Variants in ZNF503 observed in about 807,000 individuals in gnomAD.
ZNF503 encodes the protein zinc finger protein 503.
Under a neutral mutation model 34.4 loss-of-function variants are expected in ZNF503, and 15 were observed. That is an observed-to-expected ratio of 0.44 (90% confidence interval 0.29 to 0.67). The LOEUF is 0.67. Ranked by LOEUF, ZNF503 falls within the 30% of genes least tolerant of loss-of-function variation. The pLI is 0.13. For synonymous variants in ZNF503, 580 were observed against 456.8 expected (o/e 1.27, Z -3.44); for missense variants, 1,007 against 926.8 (o/e 1.09, Z -1.12).
the ZNF503 span, among the ~76,000 whole-genome samples, chr10:75,366,045 C>T: frequency 6.6e-6 from 1 of 152,134 alleles, no homozygotes; most frequent in Non-Finnish European, 1.5e-5. Flanking sequence ...AGATTACCCC[C>T]TTGGCCGCAA....
chr10:75,307,547 C>G, the ZNF503 span, among the ~76,000 whole-genome samples: 5 of 152,218 alleles, frequency 3.3e-5, no homozygotes, highest in Non-Finnish European at 7.3e-5. Context: ...TTCAGAAGAT[C>G]AAGCTAAGAC....
the ZNF503 span, among the ~76,000 whole-genome samples, chr10:75,284,793 T>C: frequency 6.6e-6 from 1 of 152,224 alleles, no homozygotes; most frequent in Non-Finnish European, 1.5e-5. Flanking sequence ...AAATGGACTC[T>C]AAAAATACAA....
the ZNF503 span, among the ~76,000 whole-genome samples, chr10:75,335,389 T>C: frequency 2.0e-5 from 3 of 152,242 alleles, no homozygotes; most frequent in Admixed American, 6.5e-5. Context: ...GTCCAAACTC[T>C]ACATCTGCTG....
the ZNF503 span, among the ~76,000 whole-genome samples, chr10:75,388,400 T>A: frequency 4.6e-5 from 7 of 152,180 alleles, no homozygotes; most frequent in Non-Finnish European, 1.0e-4. Context: ...ATATGGCTGT[T>A]GGGAGCCAGT....
At chr10:75,337,707 A>C in the ZNF503 span, among the ~76,000 whole-genome samples, 1 of 152,190 alleles carries the variant, frequency 6.6e-6, no homozygotes, top group Admixed American at 6.5e-5. Context: ...CCATCTTTAG[A>C]ATTTTGCCAA....
In ZNF503 at chr10:75,401,365, C is replaced by T; in HGVS notation, c.55G>A (p.Gly19Ser). 2 of 1,539,574 alleles carry T rather than the reference C, an allele frequency of 1.3e-6. No homozygotes were observed. The highest frequency in any genetic ancestry group is 8.7e-7 in the Non-Finnish European group (1 of 1,146,574). The change falls in exon 1 of 2, where the codon GGC (glycine) becomes AGC (serine). Residue 19 changes from glycine to serine, a missense_variant. Physicochemically the swap from Gly to Ser is moderately conservative, Grantham distance 56. Transcript: ENST00000372524. Reference sequence around the variant, plus strand: ...CCGCCGCCTCCGCCTCCGCCGCCGCCGCCGCCGCTGTGCTTACTGCTTCTT... The same window carrying T: ...CCGCCGCCTCCGCCTCCGCCGCCGCTGCCGCCGCTGTGCTTACTGCTTCTT... ...ALRSSKHSGG[G>S]GGGGGGGGAD... is the part of the protein sequence containing the mutation.
rs368305933 is a variant in ZNF503 at position 75,399,387 on chromosome 10, A to G, written c.1303T>C (p.Tyr435His). Residue 435 changes from tyrosine (Y) to histidine (H), a missense_variant, in exon 2 of 2, where the codon TAC becomes CAC. Physicochemically the swap from Tyr to His is moderately conservative, Grantham distance 83. Transcript: ENST00000372524. ...SLCRDPYCLSYHCASHLAGAA... is the reference protein window; with the variant it reads ...SLCRDPYCLSHHCASHLAGAA... ...CCTGCCAGGTGGCTAGCGCAGTGGT[A>G]GCTGAGGCAGTAAGGGTCCCGGCAC... 1 of 1,606,184 alleles carries G rather than the reference A, an allele frequency of 6.2e-7. No homozygotes were observed. Among genetic ancestry groups the G allele is most frequent in the Non-Finnish European group, 8.5e-7 (1 of 1,178,658 alleles).
the ZNF503 span, chr10:75,295,445 T>G: frequency 1.3e-5 from 2 of 152,198 alleles, no homozygotes; most frequent in Admixed American, 1.3e-4. This position sits in a 1 kb window ranked among gnomAD's most constrained non-coding sequence, Gnocchi z 4.0. Context: ...TATCGGAGCT[T>G]TGTTTCCTTT....
At chr10:75,360,298 T>G in the ZNF503 span, among the ~76,000 whole-genome samples, 4 of 151,390 alleles carry the variant, frequency 2.6e-5, no homozygotes, top group East Asian at 7.8e-4. Flanking sequence ...TGTTTTTTTG[T>G]ATTTTTTTTA....
the ZNF503 span, among the ~76,000 whole-genome samples, chr10:75,337,993 GC>G: frequency 2.6e-5 from 4 of 152,162 alleles, no homozygotes; most frequent in African/African-American, 4.8e-5. Flanking sequence ...TATTACCCAT[GC>G]ATCCAAGGTC....
At chr10:75,327,975 T>G in the ZNF503 span, among the ~76,000 whole-genome samples, 3 of 152,186 alleles carry the variant, frequency 2.0e-5, no homozygotes, top group Admixed American at 2.0e-4. Flanking sequence ...GCTGTTCAGT[T>G]GTTTGAGTTC....
At chr10:75,306,368 C>T in the ZNF503 span, among the ~76,000 whole-genome samples, 1 of 151,764 alleles carries the variant, frequency 6.6e-6, no homozygotes, top group African/African-American at 2.4e-5. Context: ...CTATTCAAGT[C>T]CTCTGTTCAT....
chr10:75,355,830 C>T, the ZNF503 span, among the ~76,000 whole-genome samples: 1 of 152,332 alleles, frequency 6.6e-6, no homozygotes, highest in African/African-American at 2.4e-5. Context: ...CTCTGCTCCA[C>T]AGCATATGGG....
chr10:75,398,576 C>T lies in ZNF503; in HGVS notation c.*173G>A, dbSNP rs1001175087. 1 of 482,860 alleles carries T rather than the reference C, an allele frequency of 2.1e-6. No individual in the cohort carries two copies. 29.9% of individuals were successfully genotyped at this position (482,860 alleles called of 1,614,324 possible). On this transcript the variant is annotated 3_prime_UTR_variant, in exon 2 of 2. Coordinates refer to ENST00000372524, the MANE Select transcript of ZNF503 (RefSeq NM_032772.6). ...AGTGGGGAGAAGGGGAGTGTCCCAC[C>T]GGGTCTCGGTCGCTGCTGTCGGGTA...
chr10:75,378,971 A>G, the ZNF503 span, among the ~76,000 whole-genome samples: 2 of 151,900 alleles, frequency 1.3e-5, no homozygotes, highest in African/African-American at 2.4e-5. Flanking sequence ...TCTGTTCCTC[A>G]CCTGTGCCTC....
the ZNF503 span, among the ~76,000 whole-genome samples, chr10:75,378,363 C>G: frequency 1.3e-5 from 2 of 152,164 alleles, no homozygotes; most frequent in Admixed American, 6.5e-5. Flanking sequence ...CGAAGGTAGG[C>G]CACTATCTGC....
In ZNF503 at chr10:75,399,874, G is replaced by C; in HGVS notation, c.816C>G (p.Ala272=). ...GTGCCAGCCCCGTGGGTCCCCCTTCGGCCGAGGCGCCCCCGGTGCCCTTGC... is the reference window on the plus strand; with the variant it reads ...GTGCCAGCCCCGTGGGTCCCCCTTCCGCCGAGGCGCCCCCGGTGCCCTTGC... ...GGGKGTGGAS[A]EGGPTGLAHG... Residue 272 remains alanine (A), a synonymous_variant, in exon 2 of 2, where the codon GCC becomes GCG. Coordinates refer to ENST00000372524, the MANE Select transcript of ZNF503 (RefSeq NM_032772.6). The C allele has an allele frequency of 6.2e-7, 1 of 1,600,010 alleles. No individual in the cohort carries two copies. The highest frequency in any genetic ancestry group is 8.5e-7 in the Non-Finnish European group (1 of 1,174,978).
chr10:75,363,252 C>G, the ZNF503 span, among the ~76,000 whole-genome samples: 12 of 152,316 alleles, frequency 7.9e-5, no homozygotes, highest in African/African-American at 2.6e-4. Context: ...CAGGATGGAG[C>G]TGAGCAGACC....
chr10:75,370,777 T>TA, the ZNF503 span, among the ~76,000 whole-genome samples: 1 of 14,328 alleles, frequency 7.0e-5, no homozygotes, highest in Non-Finnish European at 1.1e-4. Context: ...AGGCTCCATC[T>TA]CAAAAAAAAA....
Sources: gnomAD v4.1 joint callset for allele counts (sites outside exome capture counted in the v4.1 genomes callset) on GRCh38, gnomAD v4.1.1 for gene constraint, Gnocchi (gnomAD v3.1) non-coding constraint, MANE v1.5 for transcripts, NCBI Gene and HGNC (gene_info 2026-07-23, HGNC 2026-07-21) for gene names.